WDR43: variants seen among roughly 807,000 people sequenced by gnomAD.
WDR43 encodes the protein WD repeat domain 43, also known as WD repeat-containing protein 43.
Under a neutral mutation model 91.4 loss-of-function variants are expected in WDR43, and 13 were observed. The ratio of observed to expected loss-of-function variants is 0.14; its 90% CI spans 0.09 to 0.23. The LOEUF (loss-of-function observed/expected upper bound fraction) is 0.23, where lower values mean the gene tolerates loss of function less well. Ranked by LOEUF, WDR43 falls within the 10% of genes least tolerant of loss-of-function variation. The pLI is 1.00. For synonymous variants in WDR43, 331 were observed against 287.9 expected (o/e 1.15, Z -1.51); for missense variants, 780 against 809.4 (o/e 0.96, Z 0.44).
At position 28,941,037 on chromosome 2, in the gene WDR43, T is replaced by C. The variant is rs1671425007; in HGVS notation, c.1621-424T>C. Among the ~76,000 whole-genome samples the C allele has an allele frequency of 3.9e-5, 6 of 152,316 alleles. No individual in the cohort carries two copies. The South Asian group carries it at 1.2e-3, about 32-fold the overall frequency. On this transcript the variant is annotated intron_variant, in intron 14 of 17. Coordinates refer to ENST00000407426, the MANE Select transcript of WDR43 (RefSeq NM_015131.3). The stretch of plus-strand genomic sequence containing the variant: ...CTGGGAAAAGGCTTCTCTGCCTCTT[T>C]GGGGCCTTACAGTAAGGGTAGATAA...
chr2:28,902,418 C>G (rs542977750), intron 2 of WDR43, among the ~76,000 whole-genome samples: 3 of 152,206 alleles, frequency 2.0e-5, no homozygotes, highest in African/African-American at 4.8e-5. Flanking sequence ...AGCTCCCCAC[C>G]TCTTGACCTA....
chr2:28,922,797 G>GTTTT (rs70958224), intron 6 of WDR43, 122 bp from the exon 7 acceptor site: 58,193 of 230,970 alleles, frequency 0.25, 11,329 homozygotes, highest in Non-Finnish European at 0.28. Flanking sequence ...TTCTTGCTGT[G>GTTTT]TTTTTTTTTT....
chr2:28,902,461 A>G (rs975855384), intron 2 of WDR43, among the ~76,000 whole-genome samples: 1 of 152,232 alleles, frequency 6.6e-6, no homozygotes, highest in Admixed American at 6.5e-5. Flanking sequence ...AATTACTGCT[A>G]ACACTGAGAT....
Position 28,937,948 on chromosome 2 carries a change from A to C in WDR43, c.1574A>C (p.Gln525Pro). The change falls in exon 14 of 18, where the codon CAG (glutamine) becomes CCG (proline). Residue 525 changes from glutamine to proline, a missense_variant. By Grantham distance (76) the Gln-to-Pro change is moderately conservative. This residue lies in a region of WDR43 where 426 missense variants were observed against 467.8 expected (regional missense o/e 0.91). Coordinates refer to ENST00000407426, the MANE Select transcript of WDR43 (RefSeq NM_015131.3). ...TTTTCCAGTGCTGTGCTAATGGTTC[A>C]GTGGCTAAAATGTGTGTTAACAGTT... ...GHPNSAVLMV[Q>P]WLKCVLTVHA... 1 of 1,613,928 alleles carries C rather than the reference A, an allele frequency of 6.2e-7. No individual in the cohort carries two copies. The highest frequency in any genetic ancestry group is 8.5e-7 in the Non-Finnish European group (1 of 1,179,862).
rs1215175666 is a variant in WDR43, at chr2:28,912,513, GT to G, written c.486-70del. On this transcript the variant is annotated intron_variant, in intron 3 of 17. Transcript: ENST00000407426. ...GATATTTTTAATGATTGTTCAGTTT[GT>G]TTTTTTGTTATTTTCTGCTCTGAGT... is the stretch of plus-strand genomic sequence containing the variant. The G allele has an allele frequency of 3.3e-6, 5 of 1,533,160 alleles. No individual in the cohort carries two copies. The African/African-American group carries it at 5.6e-5, about 17-fold the overall frequency. The allele number at this position is 1,533,160 out of a possible 1,614,324, so 95.0% of individuals were successfully genotyped here. A position where few individuals can be genotyped will look rare whatever the true frequency, so the allele number is the denominator to read the frequency against.
chr2:28,929,696 T>G lies in WDR43; in HGVS notation c.1423T>G (p.Phe475Val). 6.2e-7 allele frequency: 1 copy of G among 1,612,820 alleles called. No homozygotes were observed. The highest frequency in any genetic ancestry group is 1.3e-5 in the African/African-American group (1 of 74,960). The change falls in exon 11 of 18, where the codon TTT (phenylalanine) becomes GTT (valine). Residue 475 changes from phenylalanine to valine, a missense_variant. Coordinates refer to ENST00000407426, the MANE Select transcript of WDR43 (RefSeq NM_015131.3). ...LLTQGLESND[F>V]EMLNKVLQTR... ...TACCCAGGGCTTAGAAAGTAACGAT[T>G]TTGAAATGCTAAATGTAAGTATATA...
At position 28,946,841 on chromosome 2, in the gene WDR43, G is replaced by A; in HGVS notation, c.*62G>A. On this transcript the variant is annotated 3_prime_UTR_variant, in exon 18 of 18. Coordinates refer to ENST00000407426, the MANE Select transcript of WDR43 (RefSeq NM_015131.3). ...TGGCTCACCTTGCCCAGTGGTGAGG[G>A]CTGCCTCTGTGCCAGGATGCCAAGG... 1 of 1,467,640 alleles carries A rather than the reference G, an allele frequency of 6.8e-7. No individual in the cohort carries two copies. The highest frequency in any genetic ancestry group is 9.0e-7 in the Non-Finnish European group (1 of 1,113,800). 90.9% of individuals were successfully genotyped at this position (1,467,640 alleles called of 1,614,324 possible). A position where few individuals can be genotyped will look rare whatever the true frequency, so the allele number is the denominator to read the frequency against.
intron 12 of WDR43, 97 bp downstream of exon 12, chr2:28,935,704 A>G (rs1671324768): frequency 1.8e-5 from 12 of 669,938 alleles, no homozygotes; most frequent in Non-Finnish European, 2.3e-5. Flanking sequence ...GTAAGGACAC[A>G]TGGCATTTAG....
chr2:28,916,252 C>A (rs1275427042), intron 5 of WDR43, among the ~76,000 whole-genome samples: 1 of 152,068 alleles, frequency 6.6e-6, no homozygotes, highest in Non-Finnish European at 1.5e-5. Flanking sequence ...CATGTGATTT[C>A]ATTTCTTTTG....
intron 11 of WDR43, among the ~76,000 whole-genome samples, chr2:28,930,899 A>G (rs1038857700): frequency 1.3e-5 from 2 of 152,218 alleles, no homozygotes; most frequent in African/African-American, 2.4e-5. Context: ...TGGTGAAGCA[A>G]ATCTCAGATG....
chr2:28,914,298 T>C, intron 5 of WDR43, 90 bp downstream of exon 5: 1 of 1,396,036 alleles, frequency 7.2e-7, no homozygotes, highest in Non-Finnish European at 9.5e-7. Context: ...TGGGACTTTA[T>C]TTGTTGTATC....
At chr2:28,918,055 C>A in intron 6 of WDR43, 60 bp downstream of exon 6, 1 of 1,407,892 alleles carries the variant, frequency 7.1e-7, no homozygotes, top group South Asian at 1.3e-5. Context: ...TTTTTACAGT[C>A]AAGGTTTTGA....
chr2:28,922,567 T>C (rs1671053090), intron 6 of WDR43, among the ~76,000 whole-genome samples: 1 of 152,158 alleles, frequency 6.6e-6, no homozygotes, highest in South Asian at 2.1e-4. Context: ...ACAACACCCC[T>C]TCCTAGCCAT....
Position 28,939,042 on chromosome 2 carries a change from CACT to C in WDR43, c.1620+1049_1620+1051del, listed in dbSNP as rs1288155804. ...GGGGTTTTGGGAGGTGACCTGGGAG[CACT>C]GGTGAGAGGGGTTTTTGGGAGGTGA... On this transcript the variant is annotated intron_variant, in intron 14 of 17. Transcript: ENST00000407426. Among the ~76,000 whole-genome samples, 246 of 84,102 alleles carry C rather than the reference CACT, an allele frequency of 2.9e-3. 13 individuals are homozygous for C. The highest frequency in any genetic ancestry group is 0.01 in the African/African-American group (235 of 22,776). The allele number at this position is 84,102 out of a possible 152,430, so 55.2% of individuals were successfully genotyped here. A position where few individuals can be genotyped will look rare whatever the true frequency, so the allele number is the denominator to read the frequency against.
Position 28,922,931 on chromosome 2 carries a change from G to A in WDR43, c.862G>A (p.Ala288Thr), listed in dbSNP as rs775251293. The change falls in exon 7 of 18, where the codon GCT becomes ACT. Residue 288 changes from alanine (A) to threonine (T), a missense_variant. This residue lies in a region of WDR43 where 426 missense variants were observed against 467.8 expected (regional missense o/e 0.91). Transcript: ENST00000407426. ...SENKEEPVKL[A>T]VVCRDGQVHL... is the part of the protein sequence containing the mutation. ...ATTTTTCTTTTAGCCTGTCAAGTTG[G>A]CTGTTGTTTGCAGAGATGGTCAAGT... is the stretch of plus-strand genomic sequence containing the variant. 5 of 1,612,054 alleles carry A rather than the reference G, an allele frequency of 3.1e-6. No individual in the cohort carries two copies. Among genetic ancestry groups the A allele is most frequent in the South Asian group, 2.2e-5 (2 of 90,786 alleles).
intron 3 of WDR43, among the ~76,000 whole-genome samples, chr2:28,907,447 A>C (rs55935512): frequency 0.057 from 1,991 of 34,898 alleles, 62 homozygotes; most frequent in Non-Finnish European, 0.094. Context: ...ACCTCTTTAC[A>C]AAAAAAAAAA....
At chr2:28,927,997 A>G (rs1230231260) in intron 10 of WDR43, 5 of 259,070 alleles carry the variant, frequency 1.9e-5, no homozygotes, top group African/African-American at 6.7e-5. Context: ...TGTGATGACT[A>G]TCATTGGGTT....
rs569566328 is a variant in WDR43, at chr2:28,944,174, G to T, written c.1804+1793G>T. On this transcript the variant is annotated intron_variant, in intron 16 of 17. Coordinates refer to ENST00000407426, the MANE Select transcript of WDR43 (RefSeq NM_015131.3). ...AAATAGAGTGGAGAAGCAGATATGA[G>T]AAGTTTTTAATAGTGCCATTCTACT... is the stretch of plus-strand genomic sequence containing the variant. Among the ~76,000 whole-genome samples, 5 of 152,328 alleles carry T rather than the reference G, an allele frequency of 3.3e-5. No homozygotes were observed. The South Asian group carries it at 1.0e-3, about 32-fold the overall frequency.
At chr2:28,921,373 G>GCCTCGGCCTC (rs1156494716) in intron 6 of WDR43, among the ~76,000 whole-genome samples, 2 of 151,872 alleles carry the variant, frequency 1.3e-5, no homozygotes, top group Non-Finnish European at 2.9e-5. Flanking sequence ...TGATCGGCCT[G>GCCTCGGCCTC]CCTCGGCCTC....
Sources: allele counts gnomAD v4.1 joint callset (sites outside exome capture counted in the v4.1 genomes callset), GRCh38; gene constraint gnomAD v4.1.1; regional missense constraint gnomAD v4.1.1; transcripts MANE v1.5; gene names NCBI Gene and HGNC (gene_info 2026-07-23, HGNC 2026-07-21).